The following GALNTL6 variants were observed in gnomAD, a reference collection of about 807,000 sequenced individuals.
GALNTL6 encodes the protein polypeptide N-acetylgalactosaminyltransferase like 6.
A neutral mutation model predicts 73.7 loss-of-function variants in GALNTL6; 46 were observed. The observed-to-expected ratio is 0.62, with a 90% confidence interval of 0.49 to 0.80. GALNTL6 has a LOEUF of 0.80. GALNTL6 is among the 30% of genes least tolerant of loss of function. The pLI, the probability that GALNTL6 is intolerant of heterozygous loss-of-function variation, is 0.00. For synonymous variants in GALNTL6, 259 were observed against 263.7 expected (o/e 0.98, Z 0.17); for missense variants, 604 against 755.0 (o/e 0.80, Z 2.34).
intron 12 of GALNTL6, among the ~76,000 whole-genome samples, chr4:173,032,053 T>TA (rs1265244264): frequency 6.6e-6 from 1 of 152,146 alleles, no homozygotes; most frequent in African/African-American, 2.4e-5. Context: ...ATAAGCAAGA[T>TA]ATTGGTTTTC....
chr4:171,865,982 G>A (rs553403542), intron 2 of GALNTL6, among the ~76,000 whole-genome samples: 14 of 152,240 alleles, frequency 9.2e-5, no homozygotes, highest in African/African-American at 3.1e-4. Flanking sequence ...TTATTATGAA[G>A]AGTTGGCATA....
intron 2 of GALNTL6, among the ~76,000 whole-genome samples, chr4:171,900,937 T>A (rs576665808): frequency 2.3e-4 from 35 of 152,232 alleles, no homozygotes; most frequent in African/African-American, 7.9e-4. Flanking sequence ...TGGAAAATAA[T>A]TGAATTTAAT....
chr4:172,169,565 G>GT (rs924092591), intron 2 of GALNTL6, among the ~76,000 whole-genome samples: 6 of 151,716 alleles, frequency 4.0e-5, no homozygotes, highest in South Asian at 2.1e-4. Context: ...TCACTTTTGG[G>GT]TTTTTTTTAA....
At chr4:172,542,431 T>C (rs1036260977) in intron 5 of GALNTL6, among the ~76,000 whole-genome samples, 1 of 152,094 alleles carries the variant, frequency 6.6e-6, no homozygotes, top group African/African-American at 2.4e-5. Context: ...TAGAAAATGA[T>C]TTGGGGCTGC....
intron 8 of GALNTL6, among the ~76,000 whole-genome samples, chr4:172,913,804 T>G (rs1382166135): frequency 6.6e-6 from 1 of 152,186 alleles, no homozygotes; most frequent in South Asian, 2.1e-4. Flanking sequence ...TGGAACCAAG[T>G]TGGAAAACAA....
At chr4:172,545,676 T>G (rs1735720759) in intron 5 of GALNTL6, 1 of 152,258 alleles carries the variant, frequency 6.6e-6, no homozygotes, top group South Asian at 2.1e-4. Context: ...CAGGACCTGC[T>G]CAGATCCAGC....
chr4:173,021,701 A>G (rs1345982215), intron 12 of GALNTL6, 76 bp downstream of exon 12: 3 of 1,508,010 alleles, frequency 2.0e-6, no homozygotes, highest in Middle Eastern at 1.7e-4. Context: ...CTTTGAAAAC[A>G]CACCGTTTTA....
chr4:172,096,849 C>A (rs1390442235), intron 2 of GALNTL6, among the ~76,000 whole-genome samples: 1 of 152,158 alleles, frequency 6.6e-6, no homozygotes, highest in African/African-American at 2.4e-5. Context: ...ATAAAAGGAT[C>A]ACACGCTGGG....
At chr4:172,239,106 T>A (rs1325721420) in intron 3 of GALNTL6, among the ~76,000 whole-genome samples, 2 of 152,170 alleles carry the variant, frequency 1.3e-5, no homozygotes, top group Admixed American at 1.3e-4. Context: ...AGGATGATGC[T>A]GGTCTTATAG....
chr4:172,377,908 C>G (rs545772540), intron 5 of GALNTL6, among the ~76,000 whole-genome samples: 48 of 152,096 alleles, frequency 3.2e-4, no homozygotes, highest in Non-Finnish European at 4.1e-4. Flanking sequence ...AGATCCCCCC[C>G]CCCATGCCTC....
In GALNTL6 at chr4:172,311,720, A is replaced by G. The variant is rs779365343; in HGVS notation, c.354A>G (p.Leu118=). ...FNIFVSNNIA[L]ERSLPDIRHA... ...TTTTCGTCAGCAACAATATTGCTCT[A>G]GAGAGGTCTCTGCCAGATATTCGTC... Residue 118 remains leucine (L), a synonymous_variant, in exon 4 of 13, where the codon CTA becomes CTG. Transcript: ENST00000506823. 15 of 1,604,852 alleles carry G rather than the reference A, an allele frequency of 9.3e-6. No individual in the cohort carries two copies. The highest frequency in any genetic ancestry group is 1.2e-5 in the Non-Finnish European group (14 of 1,174,264).
chr4:173,012,541 C>T (rs1579780461), intron 11 of GALNTL6, among the ~76,000 whole-genome samples: 2 of 152,224 alleles, frequency 1.3e-5, no homozygotes, highest in South Asian at 4.1e-4. Flanking sequence ...GCCTTGTAGC[C>T]AGGCCAACCT....
At chr4:172,252,745 G>T (rs1373830147) in intron 3 of GALNTL6, among the ~76,000 whole-genome samples, 1 of 151,998 alleles carries the variant, frequency 6.6e-6, no homozygotes, top group Non-Finnish European at 1.5e-5. Context: ...GAAAGAGGAA[G>T]ATTTCTCAAT....
intron 8 of GALNTL6, among the ~76,000 whole-genome samples, chr4:172,913,417 A>C (rs1309994859): frequency 1.3e-5 from 2 of 152,230 alleles, no homozygotes; most frequent in Non-Finnish European, 2.9e-5. Flanking sequence ...AGTAGGCTTC[A>C]GAAGGTTGGT....
chr4:172,627,997 TC>T (rs1421722702), intron 5 of GALNTL6, among the ~76,000 whole-genome samples: 2 of 152,088 alleles, frequency 1.3e-5, no homozygotes, highest in African/African-American at 4.8e-5. Flanking sequence ...GGTCTCAATT[TC>T]TCTCAGTTCT....
At chr4:172,592,289 A>G (rs1737668831) in intron 5 of GALNTL6, among the ~76,000 whole-genome samples, 1 of 152,168 alleles carries the variant, frequency 6.6e-6, no homozygotes. Flanking sequence ...ATGTATTCCC[A>G]CAAGAACTAA....
chr4:172,841,001 C>G (rs1439410445), intron 7 of GALNTL6, among the ~76,000 whole-genome samples: 1 of 152,220 alleles, frequency 6.6e-6, no homozygotes, highest in Non-Finnish European at 1.5e-5. Flanking sequence ...AATCTCAATT[C>G]TCTGCCTGCT....
rs62332765 is a variant in GALNTL6, at chr4:172,265,945, A to G, written c.247+36181A>G. Among the ~76,000 whole-genome samples, 268 of 152,210 alleles carry G rather than the reference A, an allele frequency of 1.8e-3. 2 individuals carry two copies. The highest frequency in any genetic ancestry group is 3.6e-3 in the Admixed American group (55 of 15,258). On this transcript the variant is annotated intron_variant, in intron 3 of 12. Transcript: ENST00000506823. ...TAAAGCTTATATATTCTTGCATATT[A>G]TTCTCCACATTAAAATTTATTTTCT...
chr4:172,233,612 G>T, intron 3 of GALNTL6, among the ~76,000 whole-genome samples: 1 of 151,912 alleles, frequency 6.6e-6, no homozygotes, highest in East Asian at 1.9e-4. Context: ...TCTCTATCCT[G>T]TTCTGTGAGT....
Sources: gnomAD v4.1 joint callset for allele counts (sites outside exome capture counted in the v4.1 genomes callset) on GRCh38, gnomAD v4.1.1 for gene constraint, MANE v1.5 for transcripts, NCBI Gene and HGNC (gene_info 2026-07-23, HGNC 2026-07-21) for gene names.